LRRTM4: variants seen among roughly 807,000 people sequenced by gnomAD.
LRRTM4 encodes the protein leucine-rich repeat transmembrane neuronal protein 4.
LRRTM4 carries 25 observed loss-of-function variants against 47.6 expected under a neutral mutation model. That is an observed-to-expected ratio of 0.53 (90% confidence interval 0.38 to 0.73). The LOEUF (loss-of-function observed/expected upper bound fraction) is 0.73. Among genes scored for constraint, LRRTM4 ranks in the 30% least tolerant of loss-of-function variants. The pLI, the probability that LRRTM4 is intolerant of heterozygous loss-of-function variation, is 0.00. For synonymous variants in LRRTM4, 311 were observed against 269.5 expected (o/e 1.15, Z -1.51); for missense variants, 638 against 713.4 (o/e 0.89, Z 1.20).
intron 3 of LRRTM4, among the ~76,000 whole-genome samples, chr2:77,449,849 C>G (rs1424418869): frequency 6.6e-6 from 1 of 152,170 alleles, no homozygotes; most frequent in Admixed American, 6.5e-5. Flanking sequence ...CACCTCAATT[C>G]CCGTCTCTCC....
chr2:77,338,391 A>C (rs1236165867), intron 3 of LRRTM4, among the ~76,000 whole-genome samples: 4 of 152,070 alleles, frequency 2.6e-5, no homozygotes, highest in African/African-American at 7.2e-5. Flanking sequence ...ACAAATCCAC[A>C]AGAAAAATCA....
intron 3 of LRRTM4, among the ~76,000 whole-genome samples, chr2:77,241,461 A>G (rs1675265427): frequency 6.6e-6 from 1 of 152,236 alleles, no homozygotes; most frequent in East Asian, 1.9e-4. Flanking sequence ...ACAAGGGGGT[A>G]AAAATGCAAT....
chr2:76,817,539 A>C, intron 3 of LRRTM4, among the ~76,000 whole-genome samples: 1 of 151,922 alleles, frequency 6.6e-6, no homozygotes, highest in Non-Finnish European at 1.5e-5. Flanking sequence ...ATGGCTTCAG[A>C]AAGATTAGGA....
chr2:77,192,845 G>T (rs192098115), intron 3 of LRRTM4, among the ~76,000 whole-genome samples: 6 of 152,118 alleles, frequency 3.9e-5, no homozygotes, highest in African/African-American at 1.4e-4. Flanking sequence ...AGAATTTTTC[G>T]AAAGAATATC....
chr2:77,025,736 G>A (rs1350366846), intron 3 of LRRTM4, among the ~76,000 whole-genome samples: 3 of 152,100 alleles, frequency 2.0e-5, no homozygotes, highest in Non-Finnish European at 4.4e-5. Flanking sequence ...TTAGAGAGAA[G>A]CACTATTATG....
chr2:77,260,713 G>A (rs1240908161), intron 3 of LRRTM4, among the ~76,000 whole-genome samples: 2 of 151,952 alleles, frequency 1.3e-5, no homozygotes, highest in East Asian at 1.9e-4. Context: ...TTTTTCATAG[G>A]TGATTGGGCA....
intron 3 of LRRTM4, among the ~76,000 whole-genome samples, chr2:77,456,695 A>C (rs1335772465): frequency 2.0e-5 from 3 of 151,006 alleles, no homozygotes; most frequent in Admixed American, 1.3e-4. Context: ...TCACCTCTCT[A>C]CTCTTGAAAG....
intron 3 of LRRTM4, among the ~76,000 whole-genome samples, chr2:76,937,729 G>T (rs571758336): frequency 1.3e-5 from 2 of 152,036 alleles, no homozygotes; most frequent in Non-Finnish European, 2.9e-5. Flanking sequence ...ACCACACCGG[G>T]CTAATTTTTT....
At chr2:77,106,596 A>G (rs1368856447) in intron 3 of LRRTM4, among the ~76,000 whole-genome samples, 2 of 152,252 alleles carry the variant, frequency 1.3e-5, no homozygotes, top group African/African-American at 4.8e-5. Flanking sequence ...AGATATAAAC[A>G]CTTGTAGTGA....
At chr2:76,861,369 ATTGAT>A (rs925079453) in intron 3 of LRRTM4, among the ~76,000 whole-genome samples, 1 of 152,046 alleles carries the variant, frequency 6.6e-6, no homozygotes, top group Admixed American at 6.6e-5. Context: ...CACATCACCA[ATTGAT>A]TTGATTTTTT....
At position 76,795,588 on chromosome 2, in the gene LRRTM4, C is replaced by CAA. The variant is rs1032187404; in HGVS notation, c.1552-46673_1552-46672insTT. Among the ~76,000 whole-genome samples the CAA allele has an allele frequency of 5.8e-5, 4 of 69,474 alleles. No homozygotes were observed. In the Admixed American group the frequency reaches 6.5e-4, roughly 11 times the overall value. 45.6% of individuals were successfully genotyped at this position (69,474 alleles called of 152,430 possible). On this transcript the variant is annotated intron_variant, in intron 3 of 3. Transcript: ENST00000409884. ...ACATGTGCATATATATGCACACACA[C>CAA]ACATACACACACACTACATTTTCTT...
intron 3 of LRRTM4, among the ~76,000 whole-genome samples, chr2:76,928,284 T>A (rs1348659962): frequency 1.3e-5 from 2 of 152,148 alleles, no homozygotes; most frequent in African/African-American, 4.8e-5. Flanking sequence ...GACTGTCAGT[T>A]CTCTCATTTA....
intron 3 of LRRTM4, among the ~76,000 whole-genome samples, chr2:77,488,050 A>C (rs1677989658): frequency 6.6e-6 from 1 of 152,290 alleles, no homozygotes; most frequent in Non-Finnish European, 1.5e-5. Flanking sequence ...CGGGGCTGAA[A>C]CAGACCCCTA....
At chr2:76,858,289 C>CCCTCCCACAAGTAAGGGAGCATT (rs1672213158) in intron 3 of LRRTM4, among the ~76,000 whole-genome samples, 4 of 152,296 alleles carry the variant, frequency 2.6e-5, no homozygotes, top group Admixed American at 2.0e-4. Flanking sequence ...AAAAGGCTGA[C>CCCTCCCACAAGTAAGGGAGCATT]CCTCCCACAA....
At chr2:76,822,099 CCA>C (rs1288155771) in intron 3 of LRRTM4, among the ~76,000 whole-genome samples, 4 of 151,284 alleles carry the variant, frequency 2.6e-5, no homozygotes, top group African/African-American at 9.7e-5. Context: ...ATATGATATT[CCA>C]GAGTCGAACA....
intron 3 of LRRTM4, among the ~76,000 whole-genome samples, chr2:76,857,143 T>C (rs1021156440): frequency 6.6e-6 from 1 of 151,618 alleles, no homozygotes; most frequent in Non-Finnish European, 1.5e-5. Flanking sequence ...CCTCCTCTTC[T>C]TCCTCCTTCT....
chr2:76,836,015 A>C (rs1419376647), intron 3 of LRRTM4, among the ~76,000 whole-genome samples: 2 of 152,126 alleles, frequency 1.3e-5, no homozygotes, highest in African/African-American at 2.4e-5. Context: ...CCTTGGTACT[A>C]AGTAGAAGAG....
intron 3 of LRRTM4, among the ~76,000 whole-genome samples, chr2:77,475,146 G>T (rs1453171374): frequency 6.6e-5 from 10 of 152,058 alleles, no homozygotes; most frequent in Non-Finnish European, 1.5e-5. Context: ...TGTTAAAGAT[G>T]AGAAAATTGT....
At chr2:77,194,488 G>C (rs1370113910) in intron 3 of LRRTM4, among the ~76,000 whole-genome samples, 6 of 152,068 alleles carry the variant, frequency 3.9e-5, no homozygotes, top group Admixed American at 3.9e-4. Context: ...GCTGAAGTGG[G>C]AGTTTCCTCA....
Sources: allele counts gnomAD v4.1 joint callset (sites outside exome capture counted in the v4.1 genomes callset), GRCh38; gene constraint gnomAD v4.1.1; transcripts MANE v1.5; gene names NCBI Gene and HGNC (gene_info 2026-07-23, HGNC 2026-07-21).